OPRD1: variants seen among roughly 807,000 people sequenced by gnomAD.
The protein encoded by OPRD1 is delta-type opioid receptor.
A neutral mutation model predicts 17.5 loss-of-function variants in OPRD1; 19 were observed. The ratio of observed to expected loss-of-function variants is 1.09; its 90% CI spans 0.76 to 1.60. OPRD1 has a LOEUF of 1.60. OPRD1 is among the 40% of genes most tolerant of loss of function. OPRD1 has a pLI of 0.00. For missense variants in OPRD1, 483 were observed against 547.2 expected (o/e 0.88, Z 1.17); for synonymous variants, 256 against 240.9 (o/e 1.06, Z -0.58).
At chr1:28,814,670 A>AG (rs2088659620) in intron 1 of OPRD1, among the ~76,000 whole-genome samples, 1 of 152,106 alleles carries the variant, frequency 6.6e-6, no homozygotes, top group East Asian at 1.9e-4. Flanking sequence ...GAGCAAGGGG[A>AG]GGGGACTCCC....
rs777740780 is a variant in OPRD1 at position 28,812,424 on chromosome 1, C to A, written c.41C>A (p.Pro14Gln). The A allele has an allele frequency of 6.1e-6, 9 of 1,487,526 alleles. No individual in the cohort carries two copies. In the African/African-American group the frequency reaches 7.3e-5, roughly 12 times the overall value. The allele number at this position is 1,487,526 out of a possible 1,614,324, so 92.1% of individuals were successfully genotyped here. A position where few individuals can be genotyped will look rare whatever the true frequency, so the allele number is the denominator to read the frequency against. Residue 14 changes from proline (P) to glutamine (Q), a missense_variant, in exon 1 of 3, where the codon CCG becomes CAG. Transcript: ENST00000234961. ...APSAGAELQP[P>Q]LFANASDAYP... Reference sequence around the variant, plus strand: ...TCCGCCGGCGCCGAGCTGCAGCCCCCGCTCTTCGCCAACGCCTCGGACGCC... The same window carrying A: ...TCCGCCGGCGCCGAGCTGCAGCCCCAGCTCTTCGCCAACGCCTCGGACGCC...
intron 1 of OPRD1, among the ~76,000 whole-genome samples, chr1:28,818,355 A>G (rs777478779): frequency 6.6e-6 from 1 of 152,118 alleles, no homozygotes; most frequent in Non-Finnish European, 1.5e-5. Context: ...TAACACAGCT[A>G]TGTCCCATGC....
At chr1:28,847,194 G>C (rs1408561693) in intron 1 of OPRD1, among the ~76,000 whole-genome samples, 1 of 152,018 alleles carries the variant, frequency 6.6e-6, no homozygotes, top group Non-Finnish European at 1.5e-5. Context: ...TGGGATTACA[G>C]GTGCCCGCCA....
intron 1 of OPRD1, among the ~76,000 whole-genome samples, chr1:28,857,305 C>T (rs1363239629): frequency 6.6e-6 from 1 of 152,120 alleles, no homozygotes; most frequent in Non-Finnish European, 1.5e-5. Context: ...GATGCAGAGC[C>T]TTAGAGAGTT....
At chr1:28,812,710 C>T in intron 1 of OPRD1, 100 bp downstream of exon 1, 1 of 1,108,896 alleles carries the variant, frequency 9.0e-7, no homozygotes, top group Non-Finnish European at 1.2e-6. Context: ...CTCCCCGCGC[C>T]TCCGCATTTC....
At chr1:28,846,848 T>TC (rs373444230) in intron 1 of OPRD1, among the ~76,000 whole-genome samples, 6 of 35,724 alleles carry the variant, frequency 1.7e-4, no homozygotes, top group African/African-American at 6.2e-4. Context: ...TTTCTTTCTT[T>TC]TCTTTCTTTC....
chr1:28,821,370 A>G (rs1305626125), intron 1 of OPRD1, among the ~76,000 whole-genome samples: 1 of 152,074 alleles, frequency 6.6e-6, no homozygotes, highest in Non-Finnish European at 1.5e-5. Flanking sequence ...GGCCTCCCAA[A>G]GTTCTGGGAT....
chr1:28,859,357 T>C, intron 2 of OPRD1, 54 bp downstream of exon 2: 3 of 1,456,692 alleles, frequency 2.1e-6, no homozygotes. Context: ...AGGCAGTACA[T>C]GGGCCTTTGT....
At chr1:28,823,516 C>A (rs1327094014) in intron 1 of OPRD1, among the ~76,000 whole-genome samples, 1 of 152,080 alleles carries the variant, frequency 6.6e-6, no homozygotes, top group South Asian at 2.1e-4. Context: ...CCTGCCTCAG[C>A]CTCCTGAGTA....
chr1:28,813,241 G>A (rs2088647075), intron 1 of OPRD1, among the ~76,000 whole-genome samples: 1 of 152,198 alleles, frequency 6.6e-6, no homozygotes, highest in South Asian at 2.1e-4. Flanking sequence ...ATCCGGAGTG[G>A]CCGTCGTCCC....
rs200957661 is a variant in OPRD1 at position 28,860,487 on chromosome 1, CCT to C, written c.577+1189_577+1190del. Among the ~76,000 whole-genome samples, 296 of 152,260 alleles carry C rather than the reference CCT, an allele frequency of 1.9e-3. 11 individuals are homozygous for C. In the East Asian group the frequency reaches 0.053, roughly 27 times the overall value. ...CTCCACAGACATAGTAACTAATTAACCTCTCTGAGTCACACTATATCATGAGA... is the reference window on the plus strand; with the variant it reads ...CTCCACAGACATAGTAACTAATTAACCTCTGAGTCACACTATATCATGAGA... On this transcript the variant is annotated intron_variant, in intron 2 of 2. Coordinates refer to ENST00000234961, the MANE Select transcript of OPRD1 (RefSeq NM_000911.4).
chr1:28,835,840 A>G (rs2088847219), intron 1 of OPRD1, among the ~76,000 whole-genome samples: 2 of 152,198 alleles, frequency 1.3e-5, no homozygotes, highest in South Asian at 4.1e-4. Flanking sequence ...AGGCCCTGCC[A>G]TCCCTAGCTG....
intron 1 of OPRD1, among the ~76,000 whole-genome samples, chr1:28,837,111 T>C (rs1316648463): frequency 2.0e-5 from 3 of 152,116 alleles, no homozygotes; most frequent in Non-Finnish European, 4.4e-5. Flanking sequence ...CTAGGGGTGA[T>C]GAGAGACAGT....
At chr1:28,830,998 C>G (rs2124268346) in intron 1 of OPRD1, among the ~76,000 whole-genome samples, 1 of 152,330 alleles carries the variant, frequency 6.6e-6, no homozygotes, top group Admixed American at 6.5e-5. Flanking sequence ...TTCTCCTGGC[C>G]CCACCAGATG....
intron 1 of OPRD1, among the ~76,000 whole-genome samples, chr1:28,813,536 T>G: frequency 6.6e-6 from 1 of 152,178 alleles, no homozygotes; most frequent in Admixed American, 6.5e-5. Flanking sequence ...TCTTGGAGTT[T>G]ATGGAGAGTG....
chr1:28,836,509 C>CA (rs36110179), intron 1 of OPRD1, among the ~76,000 whole-genome samples: 93,587 of 135,934 alleles, frequency 0.69, 31,987 homozygotes, highest in East Asian at 0.86. Flanking sequence ...GATTCCATCT[C>CA]AAAAAAAAAA....
intron 1 of OPRD1, among the ~76,000 whole-genome samples, chr1:28,819,641 G>C (rs1213145619): frequency 2.0e-5 from 3 of 152,192 alleles, no homozygotes; most frequent in African/African-American, 4.8e-5. Context: ...GGACAAGAAG[G>C]CTCAGAGGGA....
intron 1 of OPRD1, among the ~76,000 whole-genome samples, chr1:28,824,863 G>A (rs546024115): frequency 4.7e-5 from 7 of 149,010 alleles, no homozygotes; most frequent in East Asian, 2.0e-4. Flanking sequence ...ACGGAGTCTC[G>A]CTCTGTTGCC....
chr1:28,828,018 G>A (rs2088780590), intron 1 of OPRD1, among the ~76,000 whole-genome samples: 1 of 152,084 alleles, frequency 6.6e-6, no homozygotes, highest in African/African-American at 2.4e-5. Flanking sequence ...TTACAGGTGT[G>A]AGCCACCACA....
Sources: gnomAD v4.1 joint callset for allele counts (sites outside exome capture counted in the v4.1 genomes callset) on GRCh38, gnomAD v4.1.1 for gene constraint, MANE v1.5 for transcripts, NCBI Gene and HGNC (gene_info 2026-07-23, HGNC 2026-07-21) for gene names.